CDH8: variants seen among roughly 807,000 people sequenced by gnomAD.
CDH8 encodes the protein cadherin-8.
Under a neutral mutation model 68.1 loss-of-function variants are expected in CDH8, and 17 were observed. The ratio of observed to expected loss-of-function variants is 0.25; its 90% confidence interval spans 0.17 to 0.37. CDH8 has a LOEUF of 0.37. Among genes scored for constraint, CDH8 ranks in the 10% least tolerant of loss-of-function variants. The probability of loss-of-function intolerance (pLI) is 1.00; values close to 1 mark genes in which losing one functional copy is unlikely to be tolerated. For synonymous variants in CDH8, 372 were observed against 365.1 expected, an observed-to-expected ratio of 1.02 and a Z score of -0.21; for missense variants, 763 against 999.3, an observed-to-expected ratio of 0.76 and a Z score of 3.19.
chr16:61,906,534 C>A lies in CDH8; in HGVS notation c.253-5061G>T, dbSNP rs59112732. ...AATTGTGTGTATCAGCACCATTATA[C>A]CCTCATCATCTTCCATATATTTGCC... On this transcript the variant is annotated intron_variant, in intron 2 of 11. Transcript: ENST00000577390. 8.9e-4 allele frequency among the ~76,000 whole-genome samples: 135 copies of A among 152,256 alleles called. No homozygotes were observed. In the East Asian group the frequency reaches 0.02, roughly 23 times the overall value.
At chr16:61,939,799 G>A (rs1397117106) in intron 2 of CDH8, among the ~76,000 whole-genome samples, 2 of 152,178 alleles carry the variant, frequency 1.3e-5, no homozygotes, top group African/African-American at 4.8e-5. Flanking sequence ...AAACAATATT[G>A]TAAATAGCTG....
At chr16:61,768,347 T>C (rs912411323) in intron 8 of CDH8, among the ~76,000 whole-genome samples, 2 of 111,692 alleles carry the variant, frequency 1.8e-5, no homozygotes, top group Admixed American at 9.1e-5. Flanking sequence ...TCTCTCTCTC[T>C]CTCTCTCTCT....
chr16:61,664,323 C>T (rs561261838), intron 10 of CDH8, among the ~76,000 whole-genome samples: 13 of 151,862 alleles, frequency 8.6e-5, no homozygotes, highest in African/African-American at 2.4e-4. Flanking sequence ...GATAGAGTAA[C>T]GGAGATAAGA....
At chr16:61,731,878 G>A (rs139006884) in intron 8 of CDH8, among the ~76,000 whole-genome samples, 3,540 of 151,642 alleles carry the variant, frequency 0.023, 69 homozygotes, top group Non-Finnish European at 0.035. Flanking sequence ...AAATGAAGAT[G>A]CCATAACAAC....
chr16:61,811,990 G>T (rs1335923739), intron 7 of CDH8, among the ~76,000 whole-genome samples: 1 of 152,126 alleles, frequency 6.6e-6, no homozygotes, highest in Non-Finnish European at 1.5e-5. Flanking sequence ...TGCACCTATT[G>T]TTAATAATAC....
chr16:61,978,074 T>C (rs1965470397), intron 2 of CDH8, among the ~76,000 whole-genome samples: 2 of 152,192 alleles, frequency 1.3e-5, no homozygotes, highest in African/African-American at 4.8e-5. Flanking sequence ...TCTACAGATT[T>C]GTAATATCTT....
intron 8 of CDH8, 57 bp downstream of exon 8, chr16:61,789,289 T>C: frequency 6.6e-7 from 1 of 1,506,880 alleles, no homozygotes; most frequent in Non-Finnish European, 9.1e-7. Flanking sequence ...ACGTTATTAA[T>C]AAGCATAAAT....
chr16:61,783,460 A>G (rs1961141139), intron 8 of CDH8, among the ~76,000 whole-genome samples: 1 of 151,912 alleles, frequency 6.6e-6, no homozygotes, highest in Non-Finnish European at 1.5e-5. Flanking sequence ...TCTACATCTC[A>G]TTGGTGTACC....
chr16:61,876,597 G>A (rs1373110795), intron 3 of CDH8, among the ~76,000 whole-genome samples: 1 of 151,914 alleles, frequency 6.6e-6, no homozygotes, highest in African/African-American at 2.4e-5. Context: ...GCTTGCACGG[G>A]TTTGGCTCAT....
At chr16:61,734,387 C>T (rs1055378937) in intron 8 of CDH8, among the ~76,000 whole-genome samples, 1 of 152,102 alleles carries the variant, frequency 6.6e-6, no homozygotes, top group Non-Finnish European at 1.5e-5. Flanking sequence ...CTACAATGAG[C>T]ATGGGTCTCT....
chr16:61,783,682 A>G (rs1449377726), intron 8 of CDH8, among the ~76,000 whole-genome samples: 2 of 150,892 alleles, frequency 1.3e-5, no homozygotes, highest in Non-Finnish European at 3.0e-5. Flanking sequence ...AAGGGCAGCC[A>G]GAGAGAAAGG....
chr16:61,767,484 C>T (rs532425446), intron 8 of CDH8, among the ~76,000 whole-genome samples: 9 of 151,724 alleles, frequency 5.9e-5, no homozygotes, highest in African/African-American at 9.7e-5. Flanking sequence ...TTTGAGGCTT[C>T]GCTGTAGTAA....
rs542273926 is a variant in CDH8, at chr16:61,745,098, G to GT, written c.1415-17884dup. Among the ~76,000 whole-genome samples, 1,229 of 139,618 alleles carry GT rather than the reference G, an allele frequency of 8.8e-3. 5 individuals are homozygous for GT. Among genetic ancestry groups the GT allele is most frequent in the Non-Finnish European group, 9.7e-3 (621 of 63,774 alleles). 91.6% of individuals were successfully genotyped at this position (139,618 alleles called of 152,430 possible). A position where few individuals can be genotyped will look rare whatever the true frequency, so the allele number is the denominator to read the frequency against. On this transcript the variant is annotated intron_variant, in intron 8 of 11. Transcript: ENST00000577390. ...AACTGCTGCTAATGCATTTTATCAA[G>GT]TTTTTTTTTTTCTGAAAGAAAACAA...
intron 2 of CDH8, among the ~76,000 whole-genome samples, chr16:61,941,214 A>G (rs977695463): frequency 3.3e-5 from 5 of 152,224 alleles, no homozygotes; most frequent in Non-Finnish European, 5.9e-5. Context: ...TTTCAGTTGT[A>G]TGGTGAAATT....
intron 8 of CDH8, among the ~76,000 whole-genome samples, chr16:61,739,915 A>ATATATATATGTTT (rs373723105): frequency 9.1e-6 from 1 of 109,580 alleles, no homozygotes; most frequent in East Asian, 3.2e-4. Flanking sequence ...ATATATATGT[A>ATATATATATGTTT]TTTTTTTTTT....
At chr16:62,020,519 CA>C (rs1405530686) in intron 2 of CDH8, among the ~76,000 whole-genome samples, 5 of 151,984 alleles carry the variant, frequency 3.3e-5, no homozygotes, top group Non-Finnish European at 5.9e-5. Context: ...CACACACACA[CA>C]CACACTCCAC....
intron 8 of CDH8, among the ~76,000 whole-genome samples, chr16:61,745,893 T>C (rs1960009375): frequency 6.6e-6 from 1 of 152,112 alleles, no homozygotes; most frequent in Non-Finnish European, 1.5e-5. Context: ...AATTTTTTAA[T>C]TGGATTTTGA....
chr16:61,838,021 T>C (rs1224489065), intron 4 of CDH8, among the ~76,000 whole-genome samples: 1 of 152,148 alleles, frequency 6.6e-6, no homozygotes, highest in Non-Finnish European at 1.5e-5. Context: ...AGAGGGTTAG[T>C]AACAGCAGGT....
intron 10 of CDH8, among the ~76,000 whole-genome samples, chr16:61,694,226 C>A (rs749693349): frequency 1.3e-5 from 2 of 152,184 alleles, no homozygotes; most frequent in Non-Finnish European, 2.9e-5. Context: ...TTTATAAACA[C>A]TAACAATGGA....
Sources: allele counts gnomAD v4.1 joint callset (sites outside exome capture counted in the v4.1 genomes callset), GRCh38; gene constraint gnomAD v4.1.1; transcripts MANE v1.5; gene names NCBI Gene and HGNC (gene_info 2026-07-23, HGNC 2026-07-21).